The following DIO1 variants were observed in gnomAD, a reference collection of about 807,000 sequenced individuals.
The protein encoded by DIO1 is iodothyronine deiodinase 1, also known as type I iodothyronine deiodinase.
Under a neutral mutation model 25.9 loss-of-function variants are expected in DIO1, and 17 were observed. The observed-to-expected ratio is 0.66, with a 90% CI of 0.45 to 0.98. The LOEUF (loss-of-function observed/expected upper bound fraction) is 0.98. Among genes scored for constraint, DIO1 ranks in the 50% least tolerant of loss-of-function variants. DIO1 has a pLI of 0.00. For synonymous variants in DIO1, 115 were observed against 114.0 expected (o/e 1.01, Z -0.05); for missense variants, 270 against 310.4 (o/e 0.87, Z 0.98).
chr1:53,901,144 G>A (rs76216961), intron 1 of DIO1, among the ~76,000 whole-genome samples: 3,031 of 151,870 alleles, frequency 0.02, 58 homozygotes, highest in Non-Finnish European at 0.031. Flanking sequence ...TGTCTTTCAT[G>A]TAGACTTCTC....
chr1:53,896,109 T>C (rs1442715926), intron 1 of DIO1, among the ~76,000 whole-genome samples: 1 of 152,044 alleles, frequency 6.6e-6, no homozygotes, highest in Non-Finnish European at 1.5e-5. Context: ...GATTTATCTC[T>C]GGATTCCTCA....
At chr1:53,905,111 T>C (rs1439935537) in intron 2 of DIO1, among the ~76,000 whole-genome samples, 1 of 151,892 alleles carries the variant, frequency 6.6e-6, no homozygotes, top group Non-Finnish European at 1.5e-5. Context: ...TTTGAACACA[T>C]TTACAAAGAA....
At chr1:53,898,989 G>A (rs1465260398) in intron 1 of DIO1, among the ~76,000 whole-genome samples, 1 of 152,158 alleles carries the variant, frequency 6.6e-6, no homozygotes, top group Non-Finnish European at 1.5e-5. Flanking sequence ...CTAGACTTCT[G>A]ACTCTCAGCT....
Position 53,904,818 on chromosome 1 carries a change from AG to A in DIO1, c.481+10del. 6.2e-7 allele frequency: 1 copy of A among 1,607,926 alleles called. No homozygotes were observed. The highest frequency in any genetic ancestry group is 8.5e-7 in the Non-Finnish European group (1 of 1,177,396). On this transcript the variant is annotated intron_variant, in intron 2 of 3. Coordinates refer to ENST00000361921, the MANE Select transcript of DIO1 (RefSeq NM_000792.7). Reference sequence around the variant, plus strand: ...AGAAGCACATGCATCAGGTACAGAAAGATTCTCTGCCTCTTCTACCTCTTCC... The same window carrying A: ...AGAAGCACATGCATCAGGTACAGAAAATTCTCTGCCTCTTCTACCTCTTCC...
Position 53,904,546 on chromosome 1 carries a change from T to C in DIO1, c.338-120T>C, listed in dbSNP as rs778481516. On this transcript the variant is annotated intron_variant, in intron 1 of 3. Transcript: ENST00000361921. ...GTCGGACCCCAGTGCCTAGGACCCA[T>C]CCTGGGGTGGGGGGTAGGGGGAAAT... The C allele has an allele frequency of 2.7e-4, 351 of 1,281,716 alleles. 1 individual carries two copies. The highest frequency in any genetic ancestry group is 3.5e-4 in the Non-Finnish European group (325 of 916,780). 79.4% of individuals were successfully genotyped at this position (1,281,716 alleles called of 1,614,324 possible).
chr1:53,896,122 A>G (rs1651057871), intron 1 of DIO1, among the ~76,000 whole-genome samples: 1 of 151,378 alleles, frequency 6.6e-6, no homozygotes, highest in South Asian at 2.1e-4. Flanking sequence ...ATTCCTCAGC[A>G]TGCTCGGCCC....
intron 1 of DIO1, among the ~76,000 whole-genome samples, chr1:53,896,240 CAG>C (rs1266381982): frequency 1.8e-5 from 2 of 111,138 alleles, no homozygotes; most frequent in Non-Finnish European, 3.4e-5. Context: ...TTTTTTGAGA[CAG>C]AGTCTCACTC....
intron 1 of DIO1, among the ~76,000 whole-genome samples, chr1:53,898,466 C>T (rs1235398736): frequency 1.3e-5 from 2 of 152,036 alleles, no homozygotes; most frequent in Admixed American, 6.6e-5. Flanking sequence ...AGACATTGGC[C>T]GAGCATGGTG....
chr1:53,902,807 G>C (rs1189851151), intron 1 of DIO1, among the ~76,000 whole-genome samples: 1 of 151,850 alleles, frequency 6.6e-6, no homozygotes, highest in Non-Finnish European at 1.5e-5. Context: ...TTGTCCTTGG[G>C]ATTTAATGTT....
At chr1:53,900,235 C>T (rs1400617963) in intron 1 of DIO1, among the ~76,000 whole-genome samples, 1 of 152,182 alleles carries the variant, frequency 6.6e-6, no homozygotes, top group East Asian at 1.9e-4. Flanking sequence ...TCAGTTATAA[C>T]AAATGCATGG....
chr1:53,897,703 T>C (rs949008131), intron 1 of DIO1, among the ~76,000 whole-genome samples: 3 of 151,566 alleles, frequency 2.0e-5, no homozygotes, highest in Admixed American at 6.6e-5. Flanking sequence ...TATTTAAAAA[T>C]TAGTGGGATG....
chr1:53,897,039 G>A (rs535446640), intron 1 of DIO1, among the ~76,000 whole-genome samples: 2 of 152,254 alleles, frequency 1.3e-5, no homozygotes, highest in Non-Finnish European at 2.9e-5. Flanking sequence ...GCCAAGCACT[G>A]TAACAGAACC....
Position 53,894,581 on chromosome 1 carries a change from G to A in DIO1, c.337+34G>A, listed in dbSNP as rs1650978176. 2 of 1,570,296 alleles carry A rather than the reference G, an allele frequency of 1.3e-6. No homozygotes were observed. Among genetic ancestry groups the A allele is most frequent in the East Asian group, 2.3e-5 (1 of 43,562 alleles). On this transcript the variant is annotated intron_variant, in intron 1 of 3. Coordinates refer to ENST00000361921, the MANE Select transcript of DIO1 (RefSeq NM_000792.7). This position sits in a 1 kb window ranked among gnomAD's most constrained non-coding sequence, Gnocchi z 4.9. ...GCTGCCACACACTTGAGGGGTGCTT[G>A]AAATAGCAGTGGTAGAGGGGGATGA... is the stretch of plus-strand genomic sequence containing the variant.
At chr1:53,895,438 TCA>T (rs1251657136) in intron 1 of DIO1, among the ~76,000 whole-genome samples, 2 of 151,964 alleles carry the variant, frequency 1.3e-5, no homozygotes, top group Non-Finnish European at 2.9e-5. Context: ...TAAAAAAGTC[TCA>T]GTTTTCTCTC....
chr1:53,899,962 G>A (rs1259996590), intron 1 of DIO1, among the ~76,000 whole-genome samples: 1 of 152,138 alleles, frequency 6.6e-6, no homozygotes, highest in Admixed American at 6.5e-5. Context: ...GGCCACAATT[G>A]ACCTCTGAGC....
intron 1 of DIO1, among the ~76,000 whole-genome samples, chr1:53,902,227 GCTC>G: frequency 6.6e-6 from 1 of 151,796 alleles, no homozygotes; most frequent in South Asian, 2.1e-4. Context: ...TTAAATGGCA[GCTC>G]CTCAAAGGCC....
rs1194459720 is a variant in DIO1 at position 53,905,165 on chromosome 1, ATT to A, written c.481+376_481+377del. On this transcript the variant is annotated intron_variant, in intron 2 of 3. Coordinates refer to ENST00000361921, the MANE Select transcript of DIO1 (RefSeq NM_000792.7). ...CAGGTGAAATGACGGCCTTATGGCT[ATT>A]TTTTTTTTTTTTTTTTTTTGAGATA... Among the ~76,000 whole-genome samples, 329 of 118,954 alleles carry A rather than the reference ATT, an allele frequency of 2.8e-3. 1 individual carries two copies. The highest frequency in any genetic ancestry group is 9.4e-3 in the African/African-American group (292 of 31,220). 78.0% of individuals were successfully genotyped at this position (118,954 alleles called of 152,430 possible).
At chr1:53,906,030 C>CT (rs1292752119) in intron 2 of DIO1, 65 bp from the exon 3 acceptor site, 52 of 1,479,662 alleles carry the variant, frequency 3.5e-5, no homozygotes, top group Non-Finnish European at 4.8e-5. Flanking sequence ...AAGTGAGGGG[C>CT]TATTTAGTCT....
At chr1:53,895,593 C>T (rs1470580080) in intron 1 of DIO1, among the ~76,000 whole-genome samples, 2 of 152,176 alleles carry the variant, frequency 1.3e-5, no homozygotes, top group Non-Finnish European at 2.9e-5. Context: ...TCAGCCAGCC[C>T]AGCTTGTGAA....
Sources: allele counts gnomAD v4.1 joint callset (sites outside exome capture counted in the v4.1 genomes callset), GRCh38; gene constraint gnomAD v4.1.1; non-coding constraint Gnocchi (gnomAD v3.1); transcripts MANE v1.5; gene names NCBI Gene and HGNC (gene_info 2026-07-23, HGNC 2026-07-21).